The following SLC25A21 variants were observed in gnomAD, a reference collection of about 807,000 sequenced individuals.
SLC25A21 encodes solute carrier family 25 member 21, also known as mitochondrial 2-oxodicarboxylate carrier.
In SLC25A21, 47 loss-of-function variants were observed where a neutral mutation model predicts 43.8. The ratio of observed to expected loss-of-function variants is 1.07; its 90% CI spans 0.85 to 1.37. SLC25A21 has a LOEUF of 1.37. Ranked by LOEUF, SLC25A21 falls within the 40% of genes most tolerant of loss-of-function variation. The pLI, the probability that SLC25A21 is intolerant of heterozygous loss-of-function variation, is 0.00. For synonymous variants in SLC25A21, 131 were observed against 121.3 expected (o/e 1.08, Z -0.52); for missense variants, 352 against 350.2 (o/e 1.00, Z -0.04).
At chr14:36,739,816 TAG>T (rs751420053) in intron 3 of SLC25A21, among the ~76,000 whole-genome samples, 3 of 152,166 alleles carry the variant, frequency 2.0e-5, no homozygotes, top group Non-Finnish European at 2.9e-5. Context: ...ACTCCGTGCT[TAG>T]AGAGGTGAGT....
At chr14:36,740,182 T>C (rs1885195891) in intron 3 of SLC25A21, among the ~76,000 whole-genome samples, 1 of 152,220 alleles carries the variant, frequency 6.6e-6, no homozygotes, top group Admixed American at 6.5e-5. Flanking sequence ...TGTTAAATCT[T>C]AAGCAATGCA....
At chr14:36,747,827 GC>G (rs1442515468) in intron 3 of SLC25A21, among the ~76,000 whole-genome samples, 1 of 152,124 alleles carries the variant, frequency 6.6e-6, no homozygotes, top group Non-Finnish European at 1.5e-5. Context: ...AAATACCCAA[GC>G]TTTGGACCCG....
chr14:36,880,287 G>A (rs1342263197), intron 1 of SLC25A21, among the ~76,000 whole-genome samples: 1 of 152,180 alleles, frequency 6.6e-6, no homozygotes, highest in Non-Finnish European at 1.5e-5. Context: ...TGGGCATAGA[G>A]GCCACACACA....
chr14:37,091,914 G>A (rs1962594404), intron 1 of SLC25A21, among the ~76,000 whole-genome samples: 1 of 152,120 alleles, frequency 6.6e-6, no homozygotes. Flanking sequence ...GATCATTTGT[G>A]GTCAGGAGTT....
intron 1 of SLC25A21, among the ~76,000 whole-genome samples, chr14:36,939,918 T>C (rs934882950): frequency 1.3e-5 from 2 of 152,164 alleles, no homozygotes; most frequent in African/African-American, 2.4e-5. Context: ...TTGTTTCACA[T>C]ATCTGTTTTA....
chr14:37,155,345 AC>A (rs1434984172), intron 1 of SLC25A21, among the ~76,000 whole-genome samples: 3 of 152,226 alleles, frequency 2.0e-5, no homozygotes, highest in African/African-American at 7.2e-5. Context: ...GGACAAAGAA[AC>A]AAAGAGAAGA....
chr14:37,069,057 G>C (rs1962120248), intron 1 of SLC25A21, among the ~76,000 whole-genome samples: 1 of 152,024 alleles, frequency 6.6e-6, no homozygotes. Flanking sequence ...GGAGCCTGTA[G>C]TTCCAGCTAC....
At chr14:37,131,054 T>C (rs960611681) in intron 1 of SLC25A21, among the ~76,000 whole-genome samples, 9 of 152,230 alleles carry the variant, frequency 5.9e-5, no homozygotes, top group Admixed American at 5.2e-4. Flanking sequence ...GAGTTGCTGG[T>C]AATCTATTTC....
intron 2 of SLC25A21, among the ~76,000 whole-genome samples, chr14:36,874,507 T>G (rs1419595096): frequency 1.3e-5 from 2 of 152,202 alleles, no homozygotes; most frequent in African/African-American, 4.8e-5. Context: ...GCATTTTGCA[T>G]TGGCAAACAG....
chr14:36,918,557 G>T (rs893751176), intron 1 of SLC25A21, among the ~76,000 whole-genome samples: 2 of 152,188 alleles, frequency 1.3e-5, no homozygotes, highest in African/African-American at 2.4e-5. Flanking sequence ...AGAATTGCAG[G>T]ATGAGAAAGC....
chr14:37,128,520 G>GTCTC (rs539530734), intron 1 of SLC25A21, among the ~76,000 whole-genome samples: 20,143 of 132,488 alleles, frequency 0.15, 1,938 homozygotes, highest in South Asian at 0.2. Context: ...ATTACTTTCT[G>GTCTC]TCTCTCTCTC....
At chr14:36,921,990 CA>C (rs1891991843) in intron 1 of SLC25A21, among the ~76,000 whole-genome samples, 2 of 151,704 alleles carry the variant, frequency 1.3e-5, no homozygotes, top group South Asian at 4.2e-4. Context: ...ACTAAAAATA[CA>C]AAAATTAGCC....
intron 3 of SLC25A21, among the ~76,000 whole-genome samples, chr14:36,768,001 C>T (rs1258699849): frequency 2.0e-5 from 3 of 152,278 alleles, no homozygotes; most frequent in Admixed American, 6.5e-5. Context: ...GGCCGGCTCC[C>T]GTGGCACAGT....
intron 1 of SLC25A21, among the ~76,000 whole-genome samples, chr14:36,976,647 C>A (rs1203573394): frequency 6.6e-6 from 1 of 152,170 alleles, no homozygotes; most frequent in Non-Finnish European, 1.5e-5. Flanking sequence ...TCCAAGAGGA[C>A]CTCACCCAAG....
intron 1 of SLC25A21, among the ~76,000 whole-genome samples, chr14:37,001,015 C>T (rs1053178750): frequency 2.0e-5 from 3 of 152,060 alleles, no homozygotes; most frequent in Non-Finnish European, 4.4e-5. Context: ...CTCCGACCAC[C>T]CTATTTAGAA....
At chr14:37,044,772 C>T (rs1225684380) in intron 1 of SLC25A21, among the ~76,000 whole-genome samples, 3 of 152,084 alleles carry the variant, frequency 2.0e-5, no homozygotes, top group Non-Finnish European at 4.4e-5. Flanking sequence ...TTCTCCTAAC[C>T]CTGTCTTGAC....
intron 1 of SLC25A21, among the ~76,000 whole-genome samples, chr14:36,934,108 C>T (rs991822506): frequency 2.7e-4 from 41 of 151,700 alleles, no homozygotes; most frequent in African/African-American, 9.0e-4. Context: ...TCCAAAACAG[C>T]GTTTTTATAA....
At chr14:36,896,789 C>T (rs550611591) in intron 1 of SLC25A21, among the ~76,000 whole-genome samples, 1 of 152,152 alleles carries the variant, frequency 6.6e-6, no homozygotes, top group African/African-American at 2.4e-5. Flanking sequence ...ATTTCTCCTT[C>T]ACTTCTGAAG....
chr14:36,799,990 T>A (rs1170595490), intron 3 of SLC25A21, among the ~76,000 whole-genome samples: 1 of 152,202 alleles, frequency 6.6e-6, no homozygotes, highest in East Asian at 1.9e-4. Flanking sequence ...GATAAAACAT[T>A]GAAAGTCATA....
Sources: gnomAD v4.1 joint callset for allele counts (sites outside exome capture counted in the v4.1 genomes callset) on GRCh38, gnomAD v4.1.1 for gene constraint, MANE v1.5 for transcripts, NCBI Gene and HGNC (gene_info 2026-07-23, HGNC 2026-07-21) for gene names.